The following MEIKIN variants were observed in gnomAD, a reference collection of about 807,000 sequenced individuals.
MEIKIN encodes meiotic kinetochore factor.
intron 11 of MEIKIN, among the ~76,000 whole-genome samples, chr5:131,831,304 C>T (rs929323247): frequency 1.3e-5 from 2 of 152,296 alleles, no homozygotes; most frequent in Admixed American, 6.5e-5. Context: ...AATTCCAACA[C>T]TTTGGGAGGC....
intron 9 of MEIKIN, 144 bp from the exon 10 acceptor site, chr5:131,854,978 A>G: frequency 7.9e-6 from 3 of 379,074 alleles, no homozygotes; most frequent in Non-Finnish European, 1.4e-5. Context: ...TAAATTTTAA[A>G]CCACTTCACA....
At chr5:131,836,773 C>T (rs2149609240) in intron 11 of MEIKIN, among the ~76,000 whole-genome samples, 2 of 150,234 alleles carry the variant, frequency 1.3e-5, no homozygotes. Flanking sequence ...TGTTTCAGTT[C>T]GTTATAGATG....
chr5:131,870,601 A>G (rs1374881531), intron 9 of MEIKIN, among the ~76,000 whole-genome samples: 1 of 152,192 alleles, frequency 6.6e-6, no homozygotes, highest in African/African-American at 2.4e-5. Context: ...GCATTCTCAG[A>G]ACACCTGTCT....
At chr5:131,941,575 G>T (rs1188335492) in intron 4 of MEIKIN, among the ~76,000 whole-genome samples, 1 of 151,850 alleles carries the variant, frequency 6.6e-6, no homozygotes, top group African/African-American at 2.4e-5. Context: ...CATCAATCTT[G>T]TCTCATTTGC....
intron 11 of MEIKIN, among the ~76,000 whole-genome samples, chr5:131,849,421 C>T (rs1374266046): frequency 2.8e-5 from 3 of 107,952 alleles, no homozygotes; most frequent in Admixed American, 9.6e-5. Flanking sequence ...AACCTCTTTT[C>T]TTTATATATA....
intron 9 of MEIKIN, among the ~76,000 whole-genome samples, chr5:131,874,270 G>C (rs973802050): frequency 1.3e-5 from 2 of 152,120 alleles, no homozygotes; most frequent in African/African-American, 4.8e-5. Context: ...AAGAAGAAAA[G>C]AGAGAAGAAT....
chr5:131,909,099 A>C (rs955144911), intron 8 of MEIKIN, among the ~76,000 whole-genome samples: 1 of 152,190 alleles, frequency 6.6e-6, no homozygotes, highest in Non-Finnish European at 1.5e-5. Context: ...CAAAAGATCC[A>C]GAATAGTCAA....
intron 8 of MEIKIN, among the ~76,000 whole-genome samples, chr5:131,890,109 T>C (rs1750882125): frequency 6.6e-6 from 1 of 152,164 alleles, no homozygotes; most frequent in African/African-American, 2.4e-5. Context: ...CTGGATTCAG[T>C]TTGCCAGTAT....
chr5:131,905,083 A>ACGTG (rs1751221714), intron 8 of MEIKIN, among the ~76,000 whole-genome samples: 1 of 152,200 alleles, frequency 6.6e-6, no homozygotes, highest in Admixed American at 6.5e-5. Flanking sequence ...TACCTATGTA[A>ACGTG]CAAACCTGCA....
intron 9 of MEIKIN, among the ~76,000 whole-genome samples, chr5:131,874,374 G>C (rs368885896): frequency 6.6e-6 from 1 of 152,170 alleles, no homozygotes; most frequent in Non-Finnish European, 1.5e-5. Flanking sequence ...ACACCTCTAC[G>C]CAAATAAACT....
chr5:131,892,212 A>G (rs1033068464), intron 8 of MEIKIN, among the ~76,000 whole-genome samples: 12 of 152,036 alleles, frequency 7.9e-5, no homozygotes, highest in Non-Finnish European at 1.3e-4. Flanking sequence ...GCTCTTCTCG[A>G]GGAGTATCTT....
At chr5:131,869,173 T>A (rs1750441079) in intron 9 of MEIKIN, among the ~76,000 whole-genome samples, 1 of 152,224 alleles carries the variant, frequency 6.6e-6, no homozygotes, top group South Asian at 2.1e-4. Context: ...AAGGTCTGTG[T>A]CTAGGTTCAT....
intron 5 of MEIKIN, among the ~76,000 whole-genome samples, chr5:131,932,888 AT>A (rs1293458740): frequency 1.3e-5 from 2 of 152,176 alleles, no homozygotes; most frequent in Non-Finnish European, 2.9e-5. Context: ...TTTCTGGGGT[AT>A]TCACATTGTT....
rs1188767419 is a variant in MEIKIN at position 131,890,887 on chromosome 5, T to C, written c.704-11839A>G. On this transcript the variant is annotated intron_variant, in intron 8 of 12. Transcript: ENST00000442687. Reference sequence around the variant, plus strand: ...AAATTTCCCTCTACACACTGTTTTGTATGTGTCCCAGAGAGTCTGGTATTT... The same window carrying C: ...AAATTTCCCTCTACACACTGTTTTGCATGTGTCCCAGAGAGTCTGGTATTT... 3.9e-5 allele frequency among the ~76,000 whole-genome samples: 6 copies of C among 152,146 alleles called. No homozygotes were observed. The East Asian group carries it at 1.2e-3, about 29-fold the overall frequency.
At chr5:131,913,530 C>T (rs191989675) in intron 7 of MEIKIN, among the ~76,000 whole-genome samples, 1 of 152,184 alleles carries the variant, frequency 6.6e-6, no homozygotes, top group Non-Finnish European at 1.5e-5. Flanking sequence ...GGAGAAGACT[C>T]CTCGCTCCAT....
intron 5 of MEIKIN, among the ~76,000 whole-genome samples, chr5:131,932,895 T>C (rs999608250): frequency 9.2e-5 from 14 of 152,192 alleles, no homozygotes; most frequent in Non-Finnish European, 1.8e-4. Context: ...GGTATTCACA[T>C]TGTTGGTTTA....
At chr5:131,925,945 G>A (rs1221143543) in intron 5 of MEIKIN, among the ~76,000 whole-genome samples, 1 of 152,182 alleles carries the variant, frequency 6.6e-6, no homozygotes, top group Non-Finnish European at 1.5e-5. Context: ...TGGGGTACAG[G>A]TGTGAGCCAC....
intron 5 of MEIKIN, among the ~76,000 whole-genome samples, chr5:131,924,814 G>A (rs989543987): frequency 2.6e-5 from 4 of 151,832 alleles, no homozygotes; most frequent in Non-Finnish European, 5.9e-5. Context: ...TGTTTCTTTT[G>A]CTGTGCAGAA....
intron 9 of MEIKIN, among the ~76,000 whole-genome samples, chr5:131,861,782 T>C (rs1187257913): frequency 2.0e-5 from 3 of 152,200 alleles, no homozygotes; most frequent in African/African-American, 7.2e-5. Flanking sequence ...AAACCATTCT[T>C]GCATCCCTGG....
Sources: gnomAD v4.1 joint callset for allele counts (sites outside exome capture counted in the v4.1 genomes callset) on GRCh38, gnomAD v4.1.1 for gene constraint, MANE v1.5 for transcripts, NCBI Gene and HGNC (gene_info 2026-07-23, HGNC 2026-07-21) for gene names.